TYK2: variants seen among roughly 807,000 people sequenced by gnomAD.
TYK2 encodes non-receptor tyrosine-protein kinase TYK2.
A neutral mutation model predicts 130.9 loss-of-function variants in TYK2; 65 were observed. That is an observed-to-expected ratio of 0.50 (90% CI 0.41 to 0.61). The LOEUF (loss-of-function observed/expected upper bound fraction) is 0.61. Ranked by LOEUF, TYK2 falls within the 20% of genes least tolerant of loss-of-function variation. TYK2 has a pLI of 0.00. For synonymous variants in TYK2, 647 were observed against 658.9 expected, an observed-to-expected ratio of 0.98 and a Z score of 0.28; for missense variants, 1,378 against 1,610.7, an observed-to-expected ratio of 0.86 and a Z score of 2.47.
intron 2 of TYK2, among the ~76,000 whole-genome samples, chr19:10,378,870 ATCTTATC>A (rs2042269272): frequency 7.1e-6 from 1 of 141,126 alleles, no homozygotes; most frequent in Non-Finnish European, 1.6e-5. Context: ...ATCTTATCTT[ATCTTATC>A]TTATTTTTGA....
intron 7 of TYK2, 24 bp from the exon 8 acceptor site, chr19:10,365,072 G>A (rs887279432): frequency 1.3e-6 from 2 of 1,585,408 alleles, no homozygotes; most frequent in African/African-American, 2.7e-5. Flanking sequence ...AAGTGGGGCA[G>A]AGGATGGAGA....
At chr19:10,359,729 C>T (rs1225843515) in intron 14 of TYK2, among the ~76,000 whole-genome samples, 1 of 151,976 alleles carries the variant, frequency 6.6e-6, no homozygotes, top group African/African-American at 2.4e-5. Context: ...CCTGTAATCC[C>T]AGCACTTTGG....
At chr19:10,357,406 A>T (rs576268044) in intron 17 of TYK2, 147 of 653,198 alleles carry the variant, frequency 2.3e-4, no homozygotes, top group Non-Finnish European at 3.5e-4. Flanking sequence ...AAACCACCAC[A>T]CTCATGAACC....
chr19:10,356,869 T>A (rs905576042), intron 17 of TYK2, 151 bp from the exon 18 acceptor site: 2 of 773,910 alleles, frequency 2.6e-6, no homozygotes, highest in Non-Finnish European at 4.3e-6. Context: ...CTCCACAAAG[T>A]GGGAGGACGT....
chr19:10,350,744 C>G lies in TYK2; in HGVS notation c.*90G>C. On this transcript the variant is annotated 3_prime_UTR_variant, in exon 25 of 25. Coordinates refer to ENST00000525621, the MANE Select transcript of TYK2 (RefSeq NM_003331.5). ...CGGTGTGGGTGAGGCTGACATCCCC[C>G]TCTTGGTTTCATCCTGGAGCAGGGA... 1.3e-6 allele frequency: 2 copies of G among 1,516,714 alleles called. No homozygotes were observed. Among genetic ancestry groups the G allele is most frequent in the African/African-American group, 1.4e-5 (1 of 72,158 alleles). The allele number at this position is 1,516,714 out of a possible 1,614,324, so 94.0% of individuals were successfully genotyped here. A position where few individuals can be genotyped will look rare whatever the true frequency, so the allele number is the denominator to read the frequency against.
chr19:10,368,756 T>C (rs1177968448), intron 3 of TYK2: 1 of 354,528 alleles, frequency 2.8e-6, no homozygotes, highest in Non-Finnish European at 5.5e-6. Flanking sequence ...TTGTGACAGA[T>C]GGTGAAGCTG....
chr19:10,367,997 T>C, intron 5 of TYK2, 58 bp downstream of exon 5: 2 of 1,592,562 alleles, frequency 1.3e-6, no homozygotes, highest in South Asian at 2.2e-5. Context: ...AAATGGGGGC[T>C]CCTCAACTGC....
chr19:10,350,989 TG>T, intron 24 of TYK2, 21 bp from the exon 25 acceptor site: 1 of 1,614,152 alleles, frequency 6.2e-7, no homozygotes, highest in Non-Finnish European at 8.5e-7. Flanking sequence ...AAACCAGGGC[TG>T]GTGGGGGCTG....
At chr19:10,360,619 A>AC (rs1479284330) in intron 14 of TYK2, among the ~76,000 whole-genome samples, 3 of 150,460 alleles carry the variant, frequency 2.0e-5, no homozygotes, top group Non-Finnish European at 4.4e-5. Flanking sequence ...GTACCAGAGT[A>AC]GTCAGAGGGA....
At chr19:10,354,982 G>A (rs2041015324) in intron 18 of TYK2, among the ~76,000 whole-genome samples, 1 of 148,090 alleles carries the variant, frequency 6.8e-6, no homozygotes, top group Non-Finnish European at 1.5e-5. Context: ...TTTGAGCCCA[G>A]GAGTTTTGAG....
At position 10,352,984 on chromosome 19, in the gene TYK2, C is replaced by T. The variant is rs2040888509; in HGVS notation, c.3142G>A (p.Val1048Met). The T allele has an allele frequency of 1.9e-6, 3 of 1,606,586 alleles. No individual in the cohort carries two copies. Among genetic ancestry groups the T allele is most frequent in the East Asian group, 2.2e-5 (1 of 44,720 alleles). ...KIGDFGLAKA[V>M]PEGHEYYRVR... ...CGGTAGTACTCGTGGCCTTCGGGCA[C>T]GGCCTTGGCTAGGCCAAAGTCCCCG... Residue 1048 changes from valine (V) to methionine (M), a missense_variant, in exon 22 of 25, where the codon GTG becomes ATG. Coordinates refer to ENST00000525621, the MANE Select transcript of TYK2 (RefSeq NM_003331.5).
At chr19:10,360,832 AG>A in intron 14 of TYK2, 1 of 203,230 alleles carries the variant, frequency 4.9e-6, no homozygotes, top group Non-Finnish European at 1.0e-5. Context: ...GGCTCACTGC[AG>A]CCTTGAACTC....
chr19:10,356,659 G>A lies in TYK2; in HGVS notation c.2526C>T (p.Ala842=). The A allele has an allele frequency of 6.2e-7, 1 of 1,612,936 alleles. No homozygotes were observed. Among genetic ancestry groups the A allele is most frequent in the Non-Finnish European group, 8.5e-7 (1 of 1,179,668 alleles). Residue 842 remains alanine, a synonymous_variant, in exon 18 of 25, where the codon GCC becomes GCT. Coordinates refer to ENST00000525621, the MANE Select transcript of TYK2 (RefSeq NM_003331.5). ...RLPEPSCPQL[A]TLTSQCLTYE... The stretch of plus-strand genomic sequence containing the variant: ...AGGTCAGACACTGGCTGGTGAGTGT[G>A]GCCAGCTGTGGGCAGGAGGGCTCGG...
intron 3 of TYK2, among the ~76,000 whole-genome samples, chr19:10,372,484 A>ATTTTTTTTT (rs1170442654): frequency 1.9e-4 from 7 of 37,424 alleles, no homozygotes; most frequent in African/African-American, 2.6e-4. Flanking sequence ...ATATATATAT[A>ATTTTTTTTT]TTTTTTTTTT....
In TYK2 at chr19:10,362,582, G is replaced by A. The variant is rs1194873782; in HGVS notation, c.1443C>T (p.Tyr481=). 1 of 1,554,332 alleles carries A rather than the reference G, an allele frequency of 6.4e-7. No homozygotes were observed. Residue 481 remains tyrosine, a synonymous_variant, in exon 10 of 25, where the codon TAC becomes TAT. Coordinates refer to ENST00000525621, the MANE Select transcript of TYK2 (RefSeq NM_003331.5). ...GCTGGGCCACTGTGAGGATCAGGCG[G>A]TAGGGGTGGCTGGTGCTCCAGTGAA... is the stretch of plus-strand genomic sequence containing the variant. ...YLIHWSTSHP[Y]RLILTVAQRS...
In TYK2 at chr19:10,365,889, G is replaced by A. The variant is rs375654286; in HGVS notation, c.639C>T (p.Asp213=). The A allele has an allele frequency of 2.8e-5, 45 of 1,608,810 alleles. No individual in the cohort carries two copies. In the African/African-American group the frequency reaches 4.3e-4, roughly 15 times the overall value. Residue 213 remains aspartate (D), a synonymous_variant, in exon 7 of 25, where the codon GAC becomes GAT. Coordinates refer to ENST00000525621, the MANE Select transcript of TYK2 (RefSeq NM_003331.5). ...EEVAKKTSFK[D]CIPRSFRRHI... ...GCCGGCGGAAGGAGCGCGGGATGCA[G>A]TCCTTGAAGCTGGGGGGAAACACAG...
chr19:10,357,243 G>T, intron 17 of TYK2: 2 of 514,748 alleles, frequency 3.9e-6, no homozygotes, highest in Non-Finnish European at 7.0e-6. Context: ...ACAAAAATTA[G>T]CCGGGTGTGG....
Position 10,377,400 on chromosome 19 carries a change from GTGGATGGATGGA to G in TYK2, c.193+802_193+813del, listed in dbSNP as rs766675211. 9.4e-3 allele frequency among the ~76,000 whole-genome samples: 991 copies of G among 105,398 alleles called. 9 individuals carry two copies. The highest frequency in any genetic ancestry group is 0.012 in the Non-Finnish European group (646 of 51,900). 69.1% of individuals were successfully genotyped at this position (105,398 alleles called of 152,430 possible). A position where few individuals can be genotyped will look rare whatever the true frequency, so the allele number is the denominator to read the frequency against. On this transcript the variant is annotated intron_variant, in intron 3 of 24. Transcript: ENST00000525621. ...GATGGATGAATAGGTGGGTGGGTGGGTGGATGGATGGATGGATGGATGGATGGATGGATGGAT... is the reference window on the plus strand; with the variant it reads ...GATGGATGAATAGGTGGGTGGGTGGGTGGATGGATGGATGGATGGATGGAT...
rs538693039 is a variant in TYK2 at position 10,378,239 on chromosome 19, G to A, written c.168C>T (p.Val56=). ...FSESSLTAEE[V]CIHIAHKVGI... ...CAACTTTATGTGCAATGTGGATGCA[G>A]ACTTCCTCAGCTGTCAGCGATGACT... Residue 56 remains valine (V), a synonymous_variant, in exon 3 of 25, where the codon GTC becomes GTT. Coordinates refer to ENST00000525621, the MANE Select transcript of TYK2 (RefSeq NM_003331.5). 3 of 1,612,944 alleles carry A rather than the reference G, an allele frequency of 1.9e-6. No homozygotes were observed. The South Asian group carries it at 3.3e-5, about 18-fold the overall frequency.
Sources: gnomAD v4.1 joint callset for allele counts (sites outside exome capture counted in the v4.1 genomes callset) on GRCh38, gnomAD v4.1.1 for gene constraint, MANE v1.5 for transcripts, NCBI Gene and HGNC (gene_info 2026-07-23, HGNC 2026-07-21) for gene names.